Variants in FAM131B observed in about 807,000 individuals in gnomAD.
FAM131B encodes protein FAM131B.
Under a neutral mutation model 42.0 loss-of-function variants are expected in FAM131B, and 19 were observed. That is an observed-to-expected ratio of 0.45 (90% CI 0.32 to 0.66). FAM131B has a LOEUF of 0.66. Among genes scored for constraint, FAM131B ranks in the 30% least tolerant of loss-of-function variants. FAM131B has a pLI of 0.05. For missense variants in FAM131B, 370 were observed against 468.4 expected, an observed-to-expected ratio of 0.79 and a Z score of 1.94; for synonymous variants, 183 against 177.6, an observed-to-expected ratio of 1.03 and a Z score of -0.24.
At chr7:143,367,561 C>G (rs202087841), upstream of FAM131B, among the ~76,000 whole-genome samples, 1 of 152,164 alleles carries the variant, frequency 6.6e-6, no homozygotes, top group East Asian at 1.9e-4. Flanking sequence ...AAAAATTATC[C>G]GAGCATGGTG....
rs368238471 is a variant in FAM131B, at chr7:143,359,477, T to C, written c.175-58A>G. 1 of 1,333,908 alleles carries C rather than the reference T, an allele frequency of 7.5e-7. No individual in the cohort carries two copies. The highest frequency in any genetic ancestry group is 1.1e-6 in the Non-Finnish European group (1 of 932,884). The allele number at this position is 1,333,908 out of a possible 1,614,324, so 82.6% of individuals were successfully genotyped here. ...AATAAGAAGGTACGGGCGTGCTTTA[T>C]ACATGGAGGAGGTTCATGGTTTCCA... On this transcript the variant is annotated intron_variant, in intron 3 of 6. Transcript: ENST00000443739. This position sits in a 1 kb window ranked among gnomAD's most constrained non-coding sequence, Gnocchi z 5.4.
At chr7:143,360,409 G>T in intron 1 of FAM131B, 1 of 1,329,842 alleles carries the variant, frequency 7.5e-7, no homozygotes. Flanking sequence ...TCAGAGGTTG[G>T]GTTTTATCAG....
In FAM131B at chr7:143,357,336, T is replaced by C. The variant is rs1319551738; in HGVS notation, c.554A>G (p.Gln185Arg). The change falls in exon 6 of 7, where the codon CAG (glutamine) becomes CGG (arginine). Residue 185 changes from glutamine (Q) to arginine (R), a missense_variant. Gln to Arg is a conservative substitution (Grantham distance 43). Transcript: ENST00000443739. Reference sequence around the variant, plus strand: ...ACTGTAGTTGCAGCCCAATGGCTCCTGGGTGGAGTTCACACTCATGTCCTC... The same window carrying C: ...ACTGTAGTTGCAGCCCAATGGCTCCCGGGTGGAGTTCACACTCATGTCCTC... Reference protein sequence around the residue: ...DGEDMSVNSTQEPLGCNYSDN... With the variant: ...DGEDMSVNSTREPLGCNYSDN... The C allele has an allele frequency of 6.2e-7, 1 of 1,613,944 alleles. No individual in the cohort carries two copies. The highest frequency in any genetic ancestry group is 8.5e-7 in the Non-Finnish European group (1 of 1,179,966).
At chr7:143,380,270 G>A in the FAM131B span, 66 of 985,164 alleles carry the variant, frequency 6.7e-5, no homozygotes, top group South Asian at 2.1e-3. The surrounding 1 kb of genome is among the most constrained non-coding windows in gnomAD (Gnocchi z 5.0). Context: ...AATTACCCAG[G>A]TCTGGCTTCT....
chr7:143,358,774 C>G lies in FAM131B; in HGVS notation c.466+53G>C. On this transcript the variant is annotated intron_variant, in intron 5 of 6. Coordinates refer to ENST00000443739, the MANE Select transcript of FAM131B (RefSeq NM_001031690.3). This position sits in a 1 kb window ranked among gnomAD's most constrained non-coding sequence, Gnocchi z 4.7. Reference sequence around the variant, plus strand: ...GCCACAGGGGATCAGGTTGGAGGGTCGGTCCCTGGCCATCCTGCAAATGTG... The same window carrying G: ...GCCACAGGGGATCAGGTTGGAGGGTGGGTCCCTGGCCATCCTGCAAATGTG... The G allele has an allele frequency of 6.9e-7, 1 of 1,458,532 alleles. No homozygotes were observed. Among genetic ancestry groups the G allele is most frequent in the East Asian group, 2.3e-5 (1 of 43,454 alleles). The allele number at this position is 1,458,532 out of a possible 1,614,324, so 90.3% of individuals were successfully genotyped here.
chr7:143,359,201 G>A lies in FAM131B; in HGVS notation c.268+125C>T. On this transcript the variant is annotated intron_variant, in intron 4 of 6. Coordinates refer to ENST00000443739, the MANE Select transcript of FAM131B (RefSeq NM_001031690.3). The surrounding 1 kb of genome is among the most constrained non-coding windows in gnomAD (Gnocchi z 5.4). The stretch of plus-strand genomic sequence containing the variant: ...GGCCTGGAGGATGGGAGGCTTGACA[G>A]AAGGGTGAATAGGTCAGGGGGTGGG... 9.8e-7 allele frequency: 1 copy of A among 1,019,384 alleles called. No individual in the cohort carries two copies. Among genetic ancestry groups the A allele is most frequent in the South Asian group, 1.4e-5 (1 of 69,204 alleles). 63.1% of individuals were successfully genotyped at this position (1,019,384 alleles called of 1,614,324 possible). A position where few individuals can be genotyped will look rare whatever the true frequency, so the allele number is the denominator to read the frequency against.
upstream of FAM131B, among the ~76,000 whole-genome samples, chr7:143,365,813 T>A (rs186647781): frequency 2.1e-3 from 325 of 152,314 alleles, no homozygotes; most frequent in Non-Finnish European, 4.0e-3. Flanking sequence ...TTCACCATGT[T>A]GTCCAGGCTG....
At chr7:143,381,302 T>G in the FAM131B span, 2 of 1,093,042 alleles carry the variant, frequency 1.8e-6, no homozygotes, top group Non-Finnish European at 2.2e-6. Context: ...CCTCCTTCCG[T>G]GTGTCCCTCC....
At chr7:143,370,707 T>A in the FAM131B span, among the ~76,000 whole-genome samples, 303 of 152,216 alleles carry the variant, frequency 2.0e-3, 9 homozygotes, top group East Asian at 0.039. Context: ...GCATATAATT[T>A]AAAAAAATAC....
At chr7:143,379,036 T>C in the FAM131B span, among the ~76,000 whole-genome samples, 1 of 152,248 alleles carries the variant, frequency 6.6e-6, no homozygotes. Flanking sequence ...TGCTCTTAGT[T>C]GTCAGTAAAA....
the FAM131B span, among the ~76,000 whole-genome samples, chr7:143,375,950 C>T: frequency 6.6e-6 from 1 of 152,218 alleles, no homozygotes; most frequent in African/African-American, 2.4e-5. Flanking sequence ...TGGTTGCTGA[C>T]TCCTCGCCAT....
upstream of FAM131B, among the ~76,000 whole-genome samples, chr7:143,363,262 A>G (rs1804083307): frequency 6.6e-6 from 1 of 152,262 alleles, no homozygotes; most frequent in South Asian, 2.1e-4. Flanking sequence ...CAGAAGGTGA[A>G]GTCTTTGCAA....
At chr7:143,361,331 T>A (rs1586540405) in intron 1 of FAM131B, 1 of 94,656 alleles carries the variant, frequency 1.1e-5, no homozygotes, top group South Asian at 3.8e-4. Flanking sequence ...GAGAAGAGCC[T>A]GAGGAGAAGG....
the FAM131B span, chr7:143,381,731 C>A: frequency 2.5e-6 from 4 of 1,599,062 alleles, no homozygotes; most frequent in East Asian, 2.3e-5. Context: ...CGGGGCCCAG[C>A]GCGCACAGAT....
intron 1 of FAM131B, 40 bp from the exon 2 acceptor site, chr7:143,360,189 C>T: frequency 6.4e-7 from 1 of 1,567,890 alleles, no homozygotes; most frequent in Non-Finnish European, 8.7e-7. Context: ...CCTCACCTCC[C>T]TGTGCAGCCG....
chr7:143,366,478 T>G (rs1178367305), upstream of FAM131B, among the ~76,000 whole-genome samples: 1 of 151,854 alleles, frequency 6.6e-6, no homozygotes. Flanking sequence ...GAAGTGAGAG[T>G]GCTGATGCTG....
rs1413975695 is a variant in FAM131B at position 143,353,873 on chromosome 7, C to CA, written c.*2676_*2677insT. 5 of 151,416 alleles carry CA rather than the reference C, an allele frequency of 3.3e-5. No homozygotes were observed. Among genetic ancestry groups the CA allele is most frequent in the African/African-American group, 9.7e-5 (4 of 41,190 alleles). The allele number at this position is 151,416 out of a possible 1,614,324, so 9.4% of individuals were successfully genotyped here. A position where few individuals can be genotyped will look rare whatever the true frequency, so the allele number is the denominator to read the frequency against. ...CAATTGAAAATGAAAGTGCACCCCC[C>CA]CTCCAAAAAAAGAAAATCATTTAGC... On this transcript the variant is annotated 3_prime_UTR_variant, in exon 7 of 7. Transcript: ENST00000443739.
chr7:143,377,672 G>A, the FAM131B span, among the ~76,000 whole-genome samples: 1 of 152,042 alleles, frequency 6.6e-6, no homozygotes, highest in African/African-American at 2.4e-5. Flanking sequence ...GGTTTATAGT[G>A]ATGATTAGAA....
rs1804054782 is a variant in FAM131B at position 143,362,577 on chromosome 7, C to T, written c.27G>A (p.Val9=). MGCIGSRT[V]GNEVIAVDWK... ...CCCCCGCCCGGCCGCGGTACCCACC[C>T]ACAGTCCGGGAGCCGATGCAGCCCA... Residue 9 remains valine, a splice_region_variant and synonymous_variant, in exon 1 of 7, where the codon GTG becomes GTA. Coordinates refer to ENST00000443739, the MANE Select transcript of FAM131B (RefSeq NM_001031690.3). The surrounding 1 kb of genome is among the most constrained non-coding windows in gnomAD (Gnocchi z 7.7). 8 of 1,222,840 alleles carry T rather than the reference C, an allele frequency of 6.5e-6. No individual in the cohort carries two copies. The highest frequency in any genetic ancestry group is 8.1e-6 in the Non-Finnish European group (8 of 981,848). 75.7% of individuals were successfully genotyped at this position (1,222,840 alleles called of 1,614,324 possible). A position where few individuals can be genotyped will look rare whatever the true frequency, so the allele number is the denominator to read the frequency against.
Sources: allele counts gnomAD v4.1 joint callset (sites outside exome capture counted in the v4.1 genomes callset), GRCh38; gene constraint gnomAD v4.1.1; non-coding constraint Gnocchi (gnomAD v3.1); transcripts MANE v1.5; gene names NCBI Gene and HGNC (gene_info 2026-07-23, HGNC 2026-07-21).